Variants in DLG2 observed in about 807,000 individuals in gnomAD.
DLG2 encodes the protein discs large MAGUK scaffold protein 2.
A neutral mutation model predicts 132.5 loss-of-function variants in DLG2; 45 were observed. That is an observed-to-expected ratio of 0.34 (90% CI 0.27 to 0.44). The LOEUF (loss-of-function observed/expected upper bound fraction) is 0.44, where lower values mean the gene tolerates loss of function less well. Among genes scored for constraint, DLG2 ranks in the 20% least tolerant of loss-of-function variants. The probability of loss-of-function intolerance (pLI) is 1.00; values close to 1 mark genes in which losing one functional copy is unlikely to be tolerated. For synonymous variants in DLG2, 424 were observed against 419.6 expected (o/e 1.01, Z -0.13); for missense variants, 1,045 against 1,196.9 (o/e 0.87, Z 1.87).
At chr11:85,192,311 TATC>T (rs2080653800) in intron 4 of DLG2, among the ~76,000 whole-genome samples, 1 of 152,258 alleles carries the variant, frequency 6.6e-6, no homozygotes, top group Non-Finnish European at 1.5e-5. Flanking sequence ...GTGTTATCAT[TATC>T]ATTACAATCT....
rs2099279653 is a variant in DLG2, at chr11:84,518,247, G to GGTAA, written c.519+16322_519+16323insTTAC. Among the ~76,000 whole-genome samples the GGTAA allele has an allele frequency of 1.3e-5, 2 of 148,348 alleles. 1 individual carries two copies. The highest frequency in any genetic ancestry group is 3.0e-5 in the Non-Finnish European group (2 of 66,648). On this transcript the variant is annotated intron_variant, in intron 7 of 27. Transcript: ENST00000376104. The stretch of plus-strand genomic sequence containing the variant: ...TAGGCTACTACAGATATCACACACT[G>GGTAA]ATCTTTTTGCAATGAAGAATGATTT...
intron 7 of DLG2, among the ~76,000 whole-genome samples, chr11:84,399,711 C>T (rs2098822984): frequency 6.6e-6 from 1 of 152,222 alleles, no homozygotes; most frequent in South Asian, 2.1e-4. Context: ...GCCACTGTGC[C>T]TGACCCATGA....
intron 14 of DLG2, among the ~76,000 whole-genome samples, chr11:83,952,632 T>C (rs1253653503): frequency 2.0e-5 from 3 of 152,178 alleles, no homozygotes; most frequent in Non-Finnish European, 4.4e-5. Flanking sequence ...CTACTAAACA[T>C]GTTTTTGAAG....
intron 18 of DLG2, among the ~76,000 whole-genome samples, chr11:83,762,311 T>C (rs1452890082): frequency 2.0e-5 from 3 of 152,244 alleles, no homozygotes; most frequent in East Asian, 1.9e-4. Flanking sequence ...AACAAGTATC[T>C]GGTCCTTTCT....
At chr11:84,990,973 T>C (rs1328396775) in intron 6 of DLG2, among the ~76,000 whole-genome samples, 1 of 152,162 alleles carries the variant, frequency 6.6e-6, no homozygotes, top group African/African-American at 2.4e-5. Flanking sequence ...ACAACCCAGA[T>C]GTTTTTCAAT....
intron 6 of DLG2, among the ~76,000 whole-genome samples, chr11:84,703,390 G>T (rs982462802): frequency 6.6e-6 from 1 of 151,330 alleles, no homozygotes; most frequent in Non-Finnish European, 1.5e-5. Context: ...GATTAGATTT[G>T]AACAAAGCCA....
intron 7 of DLG2, among the ~76,000 whole-genome samples, chr11:84,524,763 T>A (rs569449977): frequency 2.0e-5 from 3 of 152,030 alleles, no homozygotes; most frequent in Non-Finnish European, 4.4e-5. Flanking sequence ...AAACATTATG[T>A]CTAGAAAGGA....
intron 19 of DLG2, among the ~76,000 whole-genome samples, chr11:83,614,016 G>A (rs1398431156): frequency 7.7e-6 from 1 of 130,096 alleles, no homozygotes; most frequent in African/African-American, 2.6e-5. Context: ...TAAACAAGGC[G>A]ATTTTTGGCC....
rs1204888175 is a variant in DLG2, at chr11:84,829,743, C to G, written c.357+281918G>C. ...TGTAGTGTACTTAGTACAGATAAAG[C>G]CTTCAATAAGTGCTAGTTAAATCAA... On this transcript the variant is annotated intron_variant, in intron 6 of 27. Coordinates refer to ENST00000376104, the MANE Select transcript of DLG2 (RefSeq NM_001142699.3). 2.0e-5 allele frequency among the ~76,000 whole-genome samples: 3 copies of G among 151,528 alleles called. No individual in the cohort carries two copies. The East Asian group carries it at 5.9e-4, about 30-fold the overall frequency.
chr11:84,140,467 C>T (rs937369003), intron 9 of DLG2, among the ~76,000 whole-genome samples: 23 of 152,026 alleles, frequency 1.5e-4, no homozygotes, highest in Non-Finnish European at 1.3e-4. Flanking sequence ...AATATAGATA[C>T]GTTTTTATGA....
At chr11:84,818,386 A>G (rs1443605514) in intron 6 of DLG2, among the ~76,000 whole-genome samples, 2 of 151,960 alleles carry the variant, frequency 1.3e-5, no homozygotes, top group African/African-American at 2.4e-5. Context: ...AAAACCCTCA[A>G]TAGAGTTCTT....
intron 10 of DLG2, among the ~76,000 whole-genome samples, chr11:84,082,865 G>A (rs2096924270): frequency 6.6e-6 from 1 of 152,182 alleles, no homozygotes; most frequent in Non-Finnish European, 1.5e-5. Context: ...CATGCTAGAT[G>A]TTATAGAAAA....
chr11:84,066,245 T>C (rs1285981097), intron 10 of DLG2, among the ~76,000 whole-genome samples: 1 of 152,140 alleles, frequency 6.6e-6, no homozygotes, highest in African/African-American at 2.4e-5. Context: ...AAATAATAAA[T>C]GCATATTCAC....
chr11:85,374,852 A>G (rs1221398650), intron 3 of DLG2, among the ~76,000 whole-genome samples: 1 of 152,174 alleles, frequency 6.6e-6, no homozygotes, highest in African/African-American at 2.4e-5. Context: ...AGAAAATGTG[A>G]TAGTGGTATT....
At chr11:84,731,715 G>C (rs185318365) in intron 6 of DLG2, among the ~76,000 whole-genome samples, 6 of 152,074 alleles carry the variant, frequency 3.9e-5, no homozygotes, top group African/African-American at 1.2e-4. Flanking sequence ...TAAAATGTTT[G>C]TTCTTATTCT....
In DLG2 at chr11:85,465,032, C is replaced by T. The variant is rs539714967; in HGVS notation, c.40+133625G>A. 1.0e-4 allele frequency among the ~76,000 whole-genome samples: 12 copies of T among 115,076 alleles called. No homozygotes were observed. In the South Asian group the frequency reaches 3.6e-3, roughly 35 times the overall value. 75.5% of individuals were successfully genotyped at this position (115,076 alleles called of 152,430 possible). On this transcript the variant is annotated intron_variant, in intron 3 of 27. Transcript: ENST00000376104. The stretch of plus-strand genomic sequence containing the variant: ...GAGGTTGTAGTGAGCCAAGATTGTG[C>T]CACTGTACTCCAGCACGGGCAACAG...
intron 3 of DLG2, among the ~76,000 whole-genome samples, chr11:85,596,399 A>C (rs1195499256): frequency 2.0e-5 from 3 of 152,122 alleles, no homozygotes; most frequent in Non-Finnish European, 4.4e-5. Context: ...AAAATAAATA[A>C]AACAAAATAA....
At chr11:84,428,079 T>C (rs2098972745) in intron 7 of DLG2, among the ~76,000 whole-genome samples, 1 of 152,208 alleles carries the variant, frequency 6.6e-6, no homozygotes, top group African/African-American at 2.4e-5. Context: ...GCATTCATTT[T>C]GCCTCCTCTG....
intron 6 of DLG2, among the ~76,000 whole-genome samples, chr11:85,027,523 C>T (rs992158849): frequency 9.2e-5 from 14 of 152,226 alleles, no homozygotes; most frequent in African/African-American, 2.2e-4. Flanking sequence ...CTACTGGCCT[C>T]GATCTCACAC....
Sources: gnomAD v4.1 joint callset for allele counts (sites outside exome capture counted in the v4.1 genomes callset) on GRCh38, gnomAD v4.1.1 for gene constraint, MANE v1.5 for transcripts, NCBI Gene and HGNC (gene_info 2026-07-23, HGNC 2026-07-21) for gene names.